The following ZFHX3 variants were observed in gnomAD, a reference collection of about 807,000 sequenced individuals.
ZFHX3 encodes the protein zinc finger homeobox 3.
Under a neutral mutation model 279.1 loss-of-function variants are expected in ZFHX3, and 42 were observed. The observed-to-expected ratio is 0.15, with a 90% CI of 0.12 to 0.19. ZFHX3 has a LOEUF of 0.19. Among genes scored for constraint, ZFHX3 ranks in the 10% least tolerant of loss-of-function variants. The pLI is 1.00. For missense variants in ZFHX3, 4,981 were observed against 4,754.0 expected (o/e 1.05, Z -1.40); for synonymous variants, 2,293 against 1,957.8 (o/e 1.17, Z -4.52).
chr16:73,558,707 CTCTT>C (rs1436868600), intron 2 of ZFHX3, among the ~76,000 whole-genome samples: 4 of 135,284 alleles, frequency 3.0e-5, no homozygotes, highest in Non-Finnish European at 4.8e-5. Flanking sequence ...AAGAAAATGA[CTCTT>C]TTTTTTTTTT....
chr16:73,083,499 A>G (rs1035917061), intron 8 of ZFHX3: 3 of 152,274 alleles, frequency 2.0e-5, no homozygotes, highest in Non-Finnish European at 4.4e-5. Context: ...TTCATGGTCA[A>G]GTGACTTTCT....
At chr16:73,794,941 A>G (rs578173981) in intron 1 of ZFHX3, among the ~76,000 whole-genome samples, 2 of 152,326 alleles carry the variant, frequency 1.3e-5, no homozygotes, top group South Asian at 2.1e-4. Flanking sequence ...ACCATAAAAA[A>G]AGTGTCTAAA....
At chr16:73,023,822 G>A (rs555625391) in intron 1 of ZFHX3, among the ~76,000 whole-genome samples, 91 of 152,242 alleles carry the variant, frequency 6.0e-4, no homozygotes, top group African/African-American at 2.2e-3. Flanking sequence ...ACACCACGAC[G>A]TCAGCCCAAA....
At chr16:72,952,349 T>C (rs1209062026) in intron 2 of ZFHX3, among the ~76,000 whole-genome samples, 1 of 152,214 alleles carries the variant, frequency 6.6e-6, no homozygotes, top group Non-Finnish European at 1.5e-5. Context: ...CTCCCATGTC[T>C]TCTCAGTAGG....
At chr16:73,169,708 G>A (rs906988169) in intron 5 of ZFHX3, among the ~76,000 whole-genome samples, 2 of 152,128 alleles carry the variant, frequency 1.3e-5, no homozygotes, top group Middle Eastern at 3.4e-3. Flanking sequence ...TCTTCTTTTG[G>A]CATAGAAGTG....
intron 8 of ZFHX3, among the ~76,000 whole-genome samples, chr16:73,065,538 A>G (rs1028560617): frequency 1.3e-5 from 2 of 151,238 alleles, no homozygotes; most frequent in African/African-American, 4.9e-5. Context: ...AATGAAGGAA[A>G]TCAGTGGGGG....
intron 4 of ZFHX3, among the ~76,000 whole-genome samples, chr16:72,875,452 A>G (rs57146646): frequency 0.04 from 6,090 of 152,306 alleles, 174 homozygotes; most frequent in Middle Eastern, 0.099. Context: ...GGGAAATTTC[A>G]TAAAACATGT....
At chr16:72,865,815 C>T (rs2143926129) in intron 4 of ZFHX3, among the ~76,000 whole-genome samples, 1 of 152,294 alleles carries the variant, frequency 6.6e-6, no homozygotes, top group South Asian at 2.1e-4. Context: ...GCTGTGTGCC[C>T]TGCAGGCTGA....
intron 4 of ZFHX3, among the ~76,000 whole-genome samples, chr16:72,852,126 C>T (rs182410862): frequency 6.2e-4 from 94 of 152,278 alleles, no homozygotes; most frequent in Non-Finnish European, 1.0e-3. Context: ...AAAACAGAAG[C>T]TTAGTTGATA....
intron 3 of ZFHX3, among the ~76,000 whole-genome samples, chr16:73,442,907 G>A (rs547473447): frequency 8.5e-5 from 13 of 152,194 alleles, no homozygotes; most frequent in African/African-American, 2.4e-4. Context: ...CACCTAACCC[G>A]GCTAATTTTT....
intron 5 of ZFHX3, among the ~76,000 whole-genome samples, chr16:73,154,500 C>T (rs995818151): frequency 2.0e-5 from 3 of 152,114 alleles, no homozygotes; most frequent in Non-Finnish European, 4.4e-5. Context: ...TCAGTCTCCC[C>T]CAAGACACAC....
At chr16:72,900,217 C>T (rs983303376) in intron 3 of ZFHX3, among the ~76,000 whole-genome samples, 5 of 151,818 alleles carry the variant, frequency 3.3e-5, no homozygotes, top group Non-Finnish European at 5.9e-5. Flanking sequence ...ATGCAAGGAC[C>T]ACGTTCTTTC....
chr16:73,044,225 C>G, intron 1 of ZFHX3, among the ~76,000 whole-genome samples: 1 of 152,116 alleles, frequency 6.6e-6, no homozygotes, highest in African/African-American at 2.4e-5. Flanking sequence ...CCACCAAATT[C>G]TCATACCAGA....
At chr16:73,502,560 C>A (rs2019257069) in intron 2 of ZFHX3, among the ~76,000 whole-genome samples, 1 of 152,286 alleles carries the variant, frequency 6.6e-6, no homozygotes, top group Admixed American at 6.5e-5. Flanking sequence ...GAGAATGTGG[C>A]CTTCAGATCT....
At chr16:73,240,321 T>A (rs2013083141) in intron 5 of ZFHX3, among the ~76,000 whole-genome samples, 1 of 151,824 alleles carries the variant, frequency 6.6e-6, no homozygotes, top group South Asian at 2.1e-4. Context: ...TGGGTTCAAG[T>A]GATTCTCCAG....
At chr16:72,938,543 T>C (rs1346398686) in intron 3 of ZFHX3, among the ~76,000 whole-genome samples, 3 of 152,158 alleles carry the variant, frequency 2.0e-5, no homozygotes, top group African/African-American at 7.2e-5. Context: ...TTCTGGAGAA[T>C]TTGGTGGGTC....
At chr16:73,600,883 T>C (rs1422633324) in intron 2 of ZFHX3, among the ~76,000 whole-genome samples, 1 of 152,208 alleles carries the variant, frequency 6.6e-6, no homozygotes, top group East Asian at 1.9e-4. Context: ...AACATGGGGA[T>C]TGGAACCCAG....
intron 2 of ZFHX3, chr16:73,680,044 T>C (rs2052994426): frequency 6.6e-6 from 1 of 152,160 alleles, no homozygotes; most frequent in African/African-American, 2.4e-5. Flanking sequence ...CATTTTTATG[T>C]GCTACATTTT....
In ZFHX3 at chr16:73,395,653, A is replaced by C. The variant is rs551148748; in HGVS notation, c.-1291+60350T>G. Among the ~76,000 whole-genome samples the C allele has an allele frequency of 2.5e-4, 38 of 152,244 alleles. No individual in the cohort carries two copies. The South Asian group carries it at 7.5e-3, about 30-fold the overall frequency. Reference sequence around the variant, plus strand: ...TATTAGCAAATGGATTATTTTTCTGAAATTATTAAAGCCCCTATATGGCTA... The same window carrying C: ...TATTAGCAAATGGATTATTTTTCTGCAATTATTAAAGCCCCTATATGGCTA... On this transcript the variant is annotated intron_variant, in intron 3 of 17. Coordinates refer to the ZFHX3 transcript ENST00000641206.
Sources: gnomAD v4.1 joint callset for allele counts (sites outside exome capture counted in the v4.1 genomes callset) on GRCh38, gnomAD v4.1.1 for gene constraint, MANE v1.5 for transcripts, NCBI Gene and HGNC (gene_info 2026-07-23, HGNC 2026-07-21) for gene names.